Variants in QSOX2 observed in about 807,000 individuals in gnomAD.
QSOX2 encodes quiescin sulfhydryl oxidase 2, also known as sulfhydryl oxidase 2.
A neutral mutation model predicts 61.7 loss-of-function variants in QSOX2; 46 were observed. The ratio of observed to expected loss-of-function variants is 0.75; its 90% CI spans 0.59 to 0.95. QSOX2 has a LOEUF of 0.95. QSOX2 is among the 40% of genes least tolerant of loss of function. QSOX2 has a pLI of 0.00. For synonymous variants in QSOX2, 383 were observed against 388.4 expected (o/e 0.99, Z 0.16); for missense variants, 879 against 918.9 (o/e 0.96, Z 0.56).
rs79171412 is a variant in QSOX2, at chr9:136,229,146, C to T, written c.329-2272G>A. Among the ~76,000 whole-genome samples, 1,126 of 152,350 alleles carry T rather than the reference C, an allele frequency of 7.4e-3. 19 individuals carry two copies. The highest frequency in any genetic ancestry group is 0.026 in the African/African-American group (1,064 of 41,578). On this transcript the variant is annotated intron_variant, in intron 1 of 11. Transcript: ENST00000358701. ...AATGACCAAATACCGTTCCCGCTTA[C>T]GCTGGCTAAGTGAAACCAATTCAGG...
chr9:136,220,375 G>T (rs1831966392), intron 6 of QSOX2, among the ~76,000 whole-genome samples: 1 of 152,230 alleles, frequency 6.6e-6, no homozygotes, highest in African/African-American at 2.4e-5. Flanking sequence ...CTGGGCTTCT[G>T]TAAGGCGCCC....
intron 1 of QSOX2, among the ~76,000 whole-genome samples, chr9:136,228,150 G>A (rs964452880): frequency 1.3e-5 from 2 of 152,128 alleles, no homozygotes; most frequent in Non-Finnish European, 2.9e-5. Flanking sequence ...ACATTACTTT[G>A]TAGGTAGTGG....
At position 136,209,557 on chromosome 9, in the gene QSOX2, A is replaced by G. The variant is rs1328071628; in HGVS notation, c.1550-282T>C. 1.0e-6 allele frequency: 1 copy of G among 985,312 alleles called. No individual in the cohort carries two copies. The highest frequency in any genetic ancestry group is 4.7e-5 in the South Asian group (1 of 21,290). The allele number at this position is 985,312 out of a possible 1,614,324, so 61.0% of individuals were successfully genotyped here. ...ACACGCTCGGCCTCCGCCACTTCCC[A>G]GACCACACCTGTCCCAAACCACCCA... On this transcript the variant is annotated intron_variant, in intron 11 of 11. Transcript: ENST00000358701. The surrounding 1 kb of genome is among the most constrained non-coding windows in gnomAD (Gnocchi z 5.6).
intron 11 of QSOX2, chr9:136,210,578 C>T (rs1390039813): frequency 9.1e-6 from 9 of 985,344 alleles, no homozygotes; most frequent in Non-Finnish European, 1.1e-5. Flanking sequence ...AGACACACAG[C>T]GCCTTCGTCA....
At chr9:136,216,753 C>T in intron 8 of QSOX2, 31 bp from the exon 9 acceptor site, 1 of 1,611,196 alleles carries the variant, frequency 6.2e-7, no homozygotes, top group South Asian at 1.1e-5. Context: ...CTGAGAGCTA[C>T]AGACCCAAAC....
chr9:136,212,632 C>A (rs1358219051), intron 10 of QSOX2, among the ~76,000 whole-genome samples: 2 of 152,176 alleles, frequency 1.3e-5, no homozygotes, highest in African/African-American at 4.8e-5. Context: ...TGTGACCCGG[C>A]CCGTCTGCCC....
intron 11 of QSOX2, chr9:136,210,090 C>T (rs1303985841): frequency 2.2e-5 from 22 of 985,354 alleles, no homozygotes; most frequent in Non-Finnish European, 2.7e-5. Context: ...TCACTGACTG[C>T]GTGCTTATCC....
chr9:136,230,378 A>G (rs957825022), intron 1 of QSOX2, among the ~76,000 whole-genome samples: 9 of 152,372 alleles, frequency 5.9e-5, no homozygotes, highest in African/African-American at 1.7e-4. Flanking sequence ...TCAGCCCTGC[A>G]GTAAACAACT....
intron 1 of QSOX2, among the ~76,000 whole-genome samples, chr9:136,233,321 C>A (rs959049896): frequency 2.0e-5 from 3 of 152,184 alleles, no homozygotes; most frequent in Admixed American, 2.0e-4. Context: ...TTGCTGAATG[C>A]CCCTGGCCAC....
chr9:136,244,316 C>A (rs555574875), intron 1 of QSOX2, among the ~76,000 whole-genome samples: 1 of 152,220 alleles, frequency 6.6e-6, no homozygotes, highest in East Asian at 1.9e-4. Context: ...AACATGAGAT[C>A]AAAGAGGAGG....
chr9:136,218,815 C>T lies in QSOX2; in HGVS notation c.957-7G>A, dbSNP rs756770808. 13 of 1,610,774 alleles carry T rather than the reference C, an allele frequency of 8.1e-6. No individual in the cohort carries two copies. Among genetic ancestry groups the T allele is most frequent in the South Asian group, 3.3e-5 (3 of 90,968 alleles). On this transcript the variant is annotated splice_polypyrimidine_tract_variant and splice_region_variant and intron_variant, in intron 7 of 11. Coordinates refer to ENST00000358701, the MANE Select transcript of QSOX2 (RefSeq NM_181701.4). ...CACCGTGTACAGCTTCGACCTAGGA[C>T]GGGATATGGCAGCGTCAGGGAATGC... is the stretch of plus-strand genomic sequence containing the variant.
chr9:136,208,139 A>C lies in QSOX2; in HGVS notation c.*589T>G, dbSNP rs892143088. On this transcript the variant is annotated 3_prime_UTR_variant, in exon 12 of 12. Coordinates refer to ENST00000358701, the MANE Select transcript of QSOX2 (RefSeq NM_181701.4). The stretch of plus-strand genomic sequence containing the variant: ...AACCTGCCCTAGGGAAGCAGCTACA[A>C]ACACAGGATAGTCCCTGGAGCACTT... 6.6e-6 allele frequency: 1 copy of C among 151,736 alleles called. No individual in the cohort carries two copies. The highest frequency in any genetic ancestry group is 1.5e-5 in the Non-Finnish European group (1 of 67,924). 9.4% of individuals were successfully genotyped at this position (151,736 alleles called of 1,614,324 possible).
intron 1 of QSOX2, among the ~76,000 whole-genome samples, chr9:136,234,739 T>C (rs925462812): frequency 7.3e-6 from 1 of 136,064 alleles, no homozygotes; most frequent in Non-Finnish European, 1.5e-5. Flanking sequence ...GGAGCAAGGC[T>C]GGTCTCCACA....
At chr9:136,224,771 C>A (rs899764883) in intron 3 of QSOX2, 90 bp downstream of exon 3, 37 of 805,224 alleles carry the variant, frequency 4.6e-5, no homozygotes, top group Non-Finnish European at 6.1e-5. Flanking sequence ...CTGACCCAGG[C>A]TGGGAGCTCC....
chr9:136,222,077 A>T lies in QSOX2; in HGVS notation c.676-136T>A. The T allele has an allele frequency of 2.4e-6, 2 of 848,176 alleles. No homozygotes were observed. The highest frequency in any genetic ancestry group is 1.8e-5 in the African/African-American group (1 of 55,850). The allele number at this position is 848,176 out of a possible 1,614,324, so 52.5% of individuals were successfully genotyped here. Reference sequence around the variant, plus strand: ...CTGTCCCCCTGCAGGCAAGACCCTCACTCAAATCTTCACTCTCATTGCACT... The same window carrying T: ...CTGTCCCCCTGCAGGCAAGACCCTCTCTCAAATCTTCACTCTCATTGCACT... On this transcript the variant is annotated intron_variant, in intron 5 of 11. Transcript: ENST00000358701. The surrounding 1 kb of genome is among the most constrained non-coding windows in gnomAD (Gnocchi z 6.9).
chr9:136,223,710 G>A lies in QSOX2; in HGVS notation c.675+53C>T, dbSNP rs1830249322. ...CTGCAAATCTCATCACAGATCCACC[G>A]CCAACCCCAATCACACCACGTGTGA... On this transcript the variant is annotated intron_variant, in intron 5 of 11. Coordinates refer to ENST00000358701, the MANE Select transcript of QSOX2 (RefSeq NM_181701.4). The surrounding 1 kb of genome is among the most constrained non-coding windows in gnomAD (Gnocchi z 4.4). 6.9e-6 allele frequency: 10 copies of A among 1,444,880 alleles called. 1 individual carries two copies. Among genetic ancestry groups the A allele is most frequent in the East Asian group, 4.6e-5 (2 of 43,846 alleles). The allele number at this position is 1,444,880 out of a possible 1,614,324, so 89.5% of individuals were successfully genotyped here.
chr9:136,241,639 G>A (rs994917902), intron 1 of QSOX2, among the ~76,000 whole-genome samples: 7 of 152,192 alleles, frequency 4.6e-5, no homozygotes, highest in Non-Finnish European at 5.9e-5. Context: ...ACTCAGCTGC[G>A]TGACCGTGAC....
rs777596135 is a variant in QSOX2 at position 136,222,574 on chromosome 9, G to A, written c.676-633C>T. On this transcript the variant is annotated intron_variant, in intron 5 of 11. Transcript: ENST00000358701. This position sits in a 1 kb window ranked among gnomAD's most constrained non-coding sequence, Gnocchi z 6.9. The stretch of plus-strand genomic sequence containing the variant: ...GCTAAAGGTGTGAACTGGGCGCCCC[G>A]CGTGGCCGTGCCTCTCCTGAGCTGG... Among the ~76,000 whole-genome samples, 34 of 152,208 alleles carry A rather than the reference G, an allele frequency of 2.2e-4. No homozygotes were observed. The highest frequency in any genetic ancestry group is 4.1e-4 in the Non-Finnish European group (28 of 68,048).
At chr9:136,219,680 A>T (rs1831958419) in intron 6 of QSOX2, among the ~76,000 whole-genome samples, 1 of 152,162 alleles carries the variant, frequency 6.6e-6, no homozygotes, top group South Asian at 2.1e-4. Flanking sequence ...CTGTGTGGAC[A>T]GGGTGGAGCT....
Sources: gnomAD v4.1 joint callset for allele counts (sites outside exome capture counted in the v4.1 genomes callset) on GRCh38, gnomAD v4.1.1 for gene constraint, Gnocchi (gnomAD v3.1) non-coding constraint, MANE v1.5 for transcripts, NCBI Gene and HGNC (gene_info 2026-07-23, HGNC 2026-07-21) for gene names.